Variants in TMTC4 observed in about 807,000 individuals in gnomAD.
TMTC4 encodes the protein protein O-mannosyl-transferase TMTC4.
Under a neutral mutation model 86.0 loss-of-function variants are expected in TMTC4, and 65 were observed. The ratio of observed to expected loss-of-function variants is 0.76; its 90% CI spans 0.62 to 0.93. The LOEUF (loss-of-function observed/expected upper bound fraction) is 0.93. Among genes scored for constraint, TMTC4 ranks in the 40% least tolerant of loss-of-function variants. The pLI is 0.00. For missense variants in TMTC4, 866 were observed against 948.1 expected, an observed-to-expected ratio of 0.91 and a Z score of 1.14; for synonymous variants, 379 against 382.5, an observed-to-expected ratio of 0.99 and a Z score of 0.11.
At position 100,657,249 on chromosome 13, in the gene TMTC4, G is replaced by A. The variant is rs138042813; in HGVS notation, c.553-781C>T. On this transcript the variant is annotated intron_variant, in intron 5 of 18. Transcript: ENST00000342624. Reference sequence around the variant, plus strand: ...AGGTGTGAGAGAAGTGTGAAAAGCCGTCCTGCCGATAGAAAAAGACACAGG... The same window carrying A: ...AGGTGTGAGAGAAGTGTGAAAAGCCATCCTGCCGATAGAAAAAGACACAGG... Among the ~76,000 whole-genome samples, 614 of 152,300 alleles carry A rather than the reference G, an allele frequency of 4.0e-3. 9 individuals are homozygous for A. Among genetic ancestry groups the A allele is most frequent in the African/African-American group, 0.014 (584 of 41,558 alleles).
At chr13:100,669,150 A>T (rs1886760020) in intron 2 of TMTC4, among the ~76,000 whole-genome samples, 1 of 152,178 alleles carries the variant, frequency 6.6e-6, no homozygotes, top group African/African-American at 2.4e-5. Context: ...TTACCATCCT[A>T]CCTCATCCAA....
At position 100,614,364 on chromosome 13, in the gene TMTC4, C is replaced by G; in HGVS notation, c.1903G>C (p.Glu635Gln). 1 of 1,613,884 alleles carries G rather than the reference C, an allele frequency of 6.2e-7. No homozygotes were observed. Among genetic ancestry groups the G allele is most frequent in the Non-Finnish European group, 8.5e-7 (1 of 1,179,988 alleles). The part of the protein sequence containing the change: ...AWRNATVLKP[E>Q]HSLAWNNMII... ...ATGTTGTTCCAGGCCAGGCTGTGCTCTGGTTTCAGCACGGTGGCATTTCTC... is the reference window on the plus strand; with the variant it reads ...ATGTTGTTCCAGGCCAGGCTGTGCTGTGGTTTCAGCACGGTGGCATTTCTC... Residue 635 changes from glutamate to glutamine, a missense_variant, in exon 16 of 19, where the codon GAG becomes CAG. Transcript: ENST00000342624.
chr13:100,634,858 T>TC lies in TMTC4; in HGVS notation c.1452dup (p.Ser485GlufsTer2). ...GCACTTCTGAAAAGCTGTTCCTCAC[T>TC]CCGCCACTCGCCGCTGCGCAGCACA... On this transcript the variant is annotated frameshift_variant, in exon 12 of 19. Transcript: ENST00000342624. LOFTEE classifies it high-confidence loss of function. 4.3e-6 allele frequency: 7 copies of TC among 1,614,138 alleles called. No individual in the cohort carries two copies. The highest frequency in any genetic ancestry group is 5.9e-6 in the Non-Finnish European group (7 of 1,180,036).
chr13:100,644,819 T>C (rs892305114), intron 6 of TMTC4, among the ~76,000 whole-genome samples: 5 of 134,154 alleles, frequency 3.7e-5, no homozygotes, highest in Admixed American at 2.8e-4. Context: ...ACAACGAACA[T>C]ACTTTTTTTT....
intron 10 of TMTC4, among the ~76,000 whole-genome samples, 177 bp downstream of exon 10, chr13:100,636,355 G>A (rs1211037298): frequency 3.3e-5 from 5 of 152,198 alleles, no homozygotes; most frequent in African/African-American, 9.6e-5. Flanking sequence ...CTCCCCACCC[G>A]CGGAAGCCAG....
At chr13:100,609,706 T>C (rs959361397) in intron 17 of TMTC4, among the ~76,000 whole-genome samples, 2 of 143,462 alleles carry the variant, frequency 1.4e-5, no homozygotes, top group African/African-American at 5.2e-5. Context: ...CACACACCCA[T>C]ACATATATAC....
At chr13:100,623,821 C>T in intron 15 of TMTC4, 1 of 439,734 alleles carries the variant, frequency 2.3e-6, no homozygotes, top group Non-Finnish European at 4.5e-6. Context: ...CTGGGTCTTG[C>T]CTTTGTGCGG....
chr13:100,642,296 G>T lies in TMTC4; in HGVS notation c.656C>A (p.Ala219Glu), dbSNP rs777688094. 2 of 1,614,178 alleles carry T rather than the reference G, an allele frequency of 1.2e-6. No individual in the cohort carries two copies. The highest frequency in any genetic ancestry group is 1.1e-5 in the South Asian group (1 of 91,084). ...CAGCACCCAGAAGGTGGAAGAATGC[G>T]CTCCCTCCTTGTTACCTGCCAATTA... ...KAFRESNKEG[A>E]HSSTFWVLLS... Residue 219 changes from alanine to glutamate, a missense_variant, in exon 7 of 19, where the codon GCG becomes GAG. By Grantham distance (107) the Ala-to-Glu change is moderately radical. Coordinates refer to ENST00000342624, the MANE Select transcript of TMTC4 (RefSeq NM_032813.5).
intron 17 of TMTC4, among the ~76,000 whole-genome samples, chr13:100,611,516 C>T (rs1268383420): frequency 1.3e-5 from 2 of 152,054 alleles, no homozygotes; most frequent in Non-Finnish European, 2.9e-5. Context: ...ACCCGGGAGG[C>T]GGAGCTTGCA....
chr13:100,664,489 G>A (rs1178976050), intron 3 of TMTC4, among the ~76,000 whole-genome samples, 153 bp from the exon 4 acceptor site: 1 of 152,072 alleles, frequency 6.6e-6, no homozygotes, highest in Admixed American at 6.6e-5. Context: ...ATACACATGG[G>A]CTCACCCCAC....
intron 7 of TMTC4, chr13:100,638,730 TC>T (rs1376481191): frequency 6.6e-6 from 1 of 152,238 alleles, no homozygotes; most frequent in Non-Finnish European, 1.5e-5. Context: ...CCACTTGGTT[TC>T]CCCTTCCAGC....
chr13:100,652,505 A>G (rs1307642429), intron 6 of TMTC4, among the ~76,000 whole-genome samples: 1 of 152,166 alleles, frequency 6.6e-6, no homozygotes, highest in Non-Finnish European at 1.5e-5. Context: ...TAAACATGCG[A>G]CTGTTTAAGA....
At position 100,604,372 on chromosome 13, in the gene TMTC4, T is replaced by C. The variant is rs1403057695; in HGVS notation, c.*622A>G. 6.6e-6 allele frequency: 1 copy of C among 152,534 alleles called. No homozygotes were observed. Among genetic ancestry groups the C allele is most frequent in the African/African-American group, 2.4e-5 (1 of 41,442 alleles). 9.4% of individuals were successfully genotyped at this position (152,534 alleles called of 1,614,324 possible). ...TGCACAAGTCAGAGCATCCAAAAAC[T>C]GCAAGAGTCAATTTCTTCCTATGGG... On this transcript the variant is annotated 3_prime_UTR_variant, in exon 19 of 19. Coordinates refer to ENST00000342624, the MANE Select transcript of TMTC4 (RefSeq NM_032813.5).
intron 12 of TMTC4, among the ~76,000 whole-genome samples, chr13:100,632,585 A>T (rs958844110): frequency 1.3e-5 from 2 of 152,362 alleles, no homozygotes; most frequent in African/African-American, 4.8e-5. Flanking sequence ...ATCAAACTAA[A>T]GATAAAAGCT....
In TMTC4 at chr13:100,624,198, C is replaced by T. The variant is rs538177871; in HGVS notation, c.1836+1337G>A. On this transcript the variant is annotated intron_variant, in intron 15 of 18. Coordinates refer to ENST00000342624, the MANE Select transcript of TMTC4 (RefSeq NM_032813.5). ...AACATTAGCCAGGCATGGTGGCGGG[C>T]GCCTATAGTCCCAGCTACTCCGGAG... Among the ~76,000 whole-genome samples, 8 of 151,768 alleles carry T rather than the reference C, an allele frequency of 5.3e-5. No homozygotes were observed. In the East Asian group the frequency reaches 9.7e-4, roughly 18 times the overall value.
At chr13:100,638,341 C>T in intron 7 of TMTC4, 1 of 236,038 alleles carries the variant, frequency 4.2e-6, no homozygotes, top group Non-Finnish European at 8.2e-6. Flanking sequence ...TACCCCCTCC[C>T]CACTTTTTTT....
chr13:100,659,807 G>C (rs1357418153), intron 5 of TMTC4, among the ~76,000 whole-genome samples: 1 of 149,932 alleles, frequency 6.7e-6, no homozygotes, highest in African/African-American at 2.5e-5. Flanking sequence ...CCAGGAGGGG[G>C]CAAGACTGTG....
At chr13:100,631,018 A>G (rs1385360550) in intron 12 of TMTC4, among the ~76,000 whole-genome samples, 1 of 152,246 alleles carries the variant, frequency 6.6e-6, no homozygotes, top group Non-Finnish European at 1.5e-5. Flanking sequence ...GCAAAACAAA[A>G]CAAAACAGAA....
chr13:100,629,603 T>C (rs1363628441), intron 12 of TMTC4, among the ~76,000 whole-genome samples: 2 of 152,198 alleles, frequency 1.3e-5, no homozygotes, highest in African/African-American at 2.4e-5. Flanking sequence ...TCGAGGCACT[T>C]TCTAGATCCA....
Sources: allele counts gnomAD v4.1 joint callset (sites outside exome capture counted in the v4.1 genomes callset), GRCh38; gene constraint gnomAD v4.1.1; transcripts MANE v1.5; gene names NCBI Gene and HGNC (gene_info 2026-07-23, HGNC 2026-07-21).